BABAM2: variants seen among roughly 807,000 people sequenced by gnomAD.
BABAM2 encodes the protein BRISC and BRCA1-A complex member 2.
Under a neutral mutation model 54.7 loss-of-function variants are expected in BABAM2, and 31 were observed. The observed-to-expected ratio is 0.57, with a 90% CI of 0.43 to 0.77. The LOEUF (loss-of-function observed/expected upper bound fraction) is 0.77. BABAM2 is among the 30% of genes least tolerant of loss of function. The pLI is 0.00. For synonymous variants in BABAM2, 167 were observed against 162.9 expected, an observed-to-expected ratio of 1.03 and a Z score of -0.19; for missense variants, 364 against 455.8, an observed-to-expected ratio of 0.80 and a Z score of 1.83.
At chr2:28,283,583 C>T (rs1470387170) in intron 10 of BABAM2, among the ~76,000 whole-genome samples, 4 of 152,190 alleles carry the variant, frequency 2.6e-5, no homozygotes, top group Non-Finnish European at 5.9e-5. Flanking sequence ...AAGTCCCTTG[C>T]AGTTTAACTA....
Position 27,894,529 on chromosome 2 carries a change from T to G in BABAM2, c.-24-4T>G. ...TGATCATTATTCTTTCCTTCTGCTT[T>G]CAGTGGTGATTTACAAGTCAAGTTA... On this transcript the variant is annotated splice_region_variant and splice_polypyrimidine_tract_variant and intron_variant, in intron 1 of 11. Coordinates refer to ENST00000379624, the MANE Select transcript of BABAM2 (RefSeq NM_199191.3). The G allele has an allele frequency of 6.2e-7, 1 of 1,612,916 alleles. No homozygotes were observed. Among genetic ancestry groups the G allele is most frequent in the Non-Finnish European group, 8.5e-7 (1 of 1,178,872 alleles).
chr2:28,138,834 AC>A (rs1240358529), intron 7 of BABAM2, among the ~76,000 whole-genome samples: 2 of 151,588 alleles, frequency 1.3e-5, no homozygotes, highest in African/African-American at 4.8e-5. Context: ...TCATCTCCTC[AC>A]CCTTGCCCCA....
intron 3 of BABAM2, among the ~76,000 whole-genome samples, chr2:27,951,147 G>C (rs1558612881): frequency 6.6e-6 from 1 of 151,964 alleles, no homozygotes; most frequent in Non-Finnish European, 1.5e-5. Context: ...TTGTATTTCT[G>C]TTTTCTGTTT....
intron 3 of BABAM2, among the ~76,000 whole-genome samples, chr2:27,982,136 A>G (rs1672051954): frequency 6.6e-6 from 1 of 152,012 alleles, no homozygotes; most frequent in Non-Finnish European, 1.5e-5. Context: ...CTATGTATTT[A>G]TTTGACATTT....
chr2:28,100,414 C>A (rs1182373626), intron 6 of BABAM2, among the ~76,000 whole-genome samples: 1 of 139,510 alleles, frequency 7.2e-6, no homozygotes, highest in Non-Finnish European at 1.5e-5. Flanking sequence ...GAGACGAGAC[C>A]GTGCCACTGC....
intron 6 of BABAM2, 97 bp from the exon 7 acceptor site, chr2:28,129,174 C>T: frequency 1.8e-6 from 2 of 1,138,158 alleles, no homozygotes; most frequent in Non-Finnish European, 2.6e-6. Context: ...AAGGGTAACT[C>T]ACAGTCATGG....
intron 11 of BABAM2, among the ~76,000 whole-genome samples, chr2:28,306,454 C>T (rs968340819): frequency 1.6e-4 from 24 of 152,070 alleles, no homozygotes; most frequent in Non-Finnish European, 5.9e-5. Context: ...CTTGGTCCTT[C>T]TATCATTATG....
chr2:27,954,074 A>G (rs1013638340), intron 3 of BABAM2, among the ~76,000 whole-genome samples: 1 of 152,218 alleles, frequency 6.6e-6, no homozygotes, highest in African/African-American at 2.4e-5. Context: ...ATAGCGGTGC[A>G]CAAACTTGGG....
chr2:28,175,374 G>T lies in BABAM2; in HGVS notation c.680+45994G>T, dbSNP rs72816423. 3.3e-5 allele frequency among the ~76,000 whole-genome samples: 5 copies of T among 152,246 alleles called. No individual in the cohort carries two copies. In the East Asian group the frequency reaches 9.7e-4, roughly 29 times the overall value. On this transcript the variant is annotated intron_variant, in intron 7 of 11. Coordinates refer to ENST00000379624, the MANE Select transcript of BABAM2 (RefSeq NM_199191.3). ...CACCCCACCTTGTGCACCATAGCCT[G>T]CACAGGAGGCCCTGAGTACAAGCCC...
intron 3 of BABAM2, among the ~76,000 whole-genome samples, chr2:27,942,827 T>TATTTATTTATTTATTA (rs1189574883): frequency 6.6e-6 from 1 of 151,488 alleles, no homozygotes; most frequent in South Asian, 2.1e-4. Flanking sequence ...TTTATTTATT[T>TATTTATTTATTTATTA]ATTAAGACAG....
chr2:28,267,304 A>G (rs1685063283), intron 10 of BABAM2, among the ~76,000 whole-genome samples: 1 of 152,174 alleles, frequency 6.6e-6, no homozygotes, highest in African/African-American at 2.4e-5. Context: ...AAGAGGCAGA[A>G]CAACTCCACT....
chr2:28,246,670 C>G (rs1184313078), intron 10 of BABAM2, among the ~76,000 whole-genome samples: 2 of 152,168 alleles, frequency 1.3e-5, no homozygotes, highest in Admixed American at 6.5e-5. Flanking sequence ...TCTTTAGTCT[C>G]CTAGCCATGG....
chr2:28,003,690 T>C (rs1673739957), intron 4 of BABAM2, among the ~76,000 whole-genome samples: 1 of 152,196 alleles, frequency 6.6e-6, no homozygotes, highest in South Asian at 2.1e-4. Flanking sequence ...GAACTCTAGA[T>C]TTAGTTTTAT....
intron 11 of BABAM2, among the ~76,000 whole-genome samples, chr2:28,315,582 C>T (rs922075869): frequency 6.6e-6 from 1 of 151,804 alleles, no homozygotes; most frequent in Non-Finnish European, 1.5e-5. Flanking sequence ...ATCCTCCCAC[C>T]TCAGCCTCCC....
Position 28,044,669 on chromosome 2 carries a change from C to T in BABAM2, c.496-1056C>T, listed in dbSNP as rs564663214. On this transcript the variant is annotated intron_variant, in intron 5 of 11. Coordinates refer to ENST00000379624, the MANE Select transcript of BABAM2 (RefSeq NM_199191.3). Reference sequence around the variant, plus strand: ...TCATACAAATATTTGTAAACGCTTGCTATGTTTTAAGATGTGTTTAGGGGA... The same window carrying T: ...TCATACAAATATTTGTAAACGCTTGTTATGTTTTAAGATGTGTTTAGGGGA... 7.2e-5 allele frequency among the ~76,000 whole-genome samples: 11 copies of T among 152,256 alleles called. No homozygotes were observed. The East Asian group carries it at 1.9e-3, about 27-fold the overall frequency.
intron 6 of BABAM2, among the ~76,000 whole-genome samples, chr2:28,083,918 C>T (rs903488744): frequency 6.6e-6 from 1 of 152,178 alleles, no homozygotes; most frequent in Non-Finnish European, 1.5e-5. Flanking sequence ...ACATAGCCCC[C>T]CTTCCCTTTC....
At chr2:28,174,180 C>A (rs1674664559) in intron 7 of BABAM2, among the ~76,000 whole-genome samples, 1 of 152,158 alleles carries the variant, frequency 6.6e-6, no homozygotes, top group South Asian at 2.1e-4. Context: ...ATAACAAAAT[C>A]ATAAATGTAG....
chr2:27,952,078 C>T (rs1030211334), intron 3 of BABAM2, among the ~76,000 whole-genome samples: 2 of 152,190 alleles, frequency 1.3e-5, no homozygotes, highest in Non-Finnish European at 2.9e-5. Context: ...AATTTGTAAA[C>T]ATTTAAGAAT....
chr2:28,032,748 A>G (rs896801348), intron 5 of BABAM2, among the ~76,000 whole-genome samples: 7 of 152,182 alleles, frequency 4.6e-5, no homozygotes, highest in Non-Finnish European at 1.0e-4. Context: ...TTAAGAATGA[A>G]GAAGACTTTT....
Sources: allele counts gnomAD v4.1 joint callset (sites outside exome capture counted in the v4.1 genomes callset), GRCh38; gene constraint gnomAD v4.1.1; transcripts MANE v1.5; gene names NCBI Gene and HGNC (gene_info 2026-07-23, HGNC 2026-07-21).